GBE1: variants seen among roughly 807,000 people sequenced by gnomAD.
GBE1 encodes 1,4-alpha-glucan branching enzyme 1, also known as 1,4-alpha-glucan-branching enzyme.
GBE1 carries 70 observed loss-of-function variants against 88.8 expected under a neutral mutation model. The observed-to-expected ratio is 0.79, with a 90% confidence interval of 0.65 to 0.96. The LOEUF is 0.96. GBE1 is among the 40% of genes least tolerant of loss of function. The probability of loss-of-function intolerance (pLI) is 0.00; values close to 1 mark genes in which losing one functional copy is unlikely to be tolerated. For missense variants in GBE1, 872 were observed against 871.0 expected, an observed-to-expected ratio of 1.00 and a Z score of -0.01; for synonymous variants, 284 against 300.1, an observed-to-expected ratio of 0.95 and a Z score of 0.56.
chr3:81,575,069 G>C (rs536080670), intron 12 of GBE1, among the ~76,000 whole-genome samples: 1 of 151,774 alleles, frequency 6.6e-6, no homozygotes, highest in East Asian at 1.9e-4. Flanking sequence ...GGAGGCTGAG[G>C]CAGGAGAATG....
chr3:81,700,720 A>C (rs1397089579), intron 2 of GBE1, among the ~76,000 whole-genome samples: 2 of 152,028 alleles, frequency 1.3e-5, no homozygotes, highest in African/African-American at 4.8e-5. Context: ...AAACTGGCCC[A>C]AAAAAACAGT....
chr3:81,583,711 G>A (rs1703762475), intron 10 of GBE1, among the ~76,000 whole-genome samples: 1 of 151,998 alleles, frequency 6.6e-6, no homozygotes, highest in Admixed American at 6.6e-5. Flanking sequence ...TAGGAATGGA[G>A]ATCTCATTCG....
intron 2 of GBE1, among the ~76,000 whole-genome samples, chr3:81,679,972 T>A (rs1576197029): frequency 1.3e-5 from 2 of 152,312 alleles, no homozygotes; most frequent in East Asian, 3.9e-4. Context: ...AATGCCTCTA[T>A]CTGGCCGCGC....
chr3:81,748,552 A>G (rs929317773), intron 1 of GBE1, among the ~76,000 whole-genome samples: 1 of 152,106 alleles, frequency 6.6e-6, no homozygotes, highest in African/African-American at 2.4e-5. Context: ...CGGAGCTTGC[A>G]GTGAGCCGAG....
chr3:81,751,445 T>C (rs1706527149), intron 1 of GBE1, among the ~76,000 whole-genome samples: 1 of 152,224 alleles, frequency 6.6e-6, no homozygotes, highest in Non-Finnish European at 1.5e-5. Flanking sequence ...CAGCTAAGGA[T>C]GACCATGGGA....
intron 2 of GBE1, among the ~76,000 whole-genome samples, chr3:81,702,027 A>G (rs1705695312): frequency 6.6e-6 from 1 of 151,204 alleles, no homozygotes; most frequent in African/African-American, 2.4e-5. Flanking sequence ...CTCAACTATT[A>G]TTAGGAAAAA....
intron 7 of GBE1, among the ~76,000 whole-genome samples, chr3:81,640,969 T>A (rs545739975): frequency 6.6e-6 from 1 of 152,256 alleles, no homozygotes; most frequent in Non-Finnish European, 1.5e-5. Context: ...TAAGTTTGTC[T>A]CAATTTCTGT....
intron 1 of GBE1, among the ~76,000 whole-genome samples, chr3:81,753,715 G>T (rs546265443): frequency 4.6e-5 from 7 of 152,268 alleles, no homozygotes; most frequent in African/African-American, 1.7e-4. Context: ...TCACTGTAGA[G>T]AATTCAGGAA....
intron 1 of GBE1, among the ~76,000 whole-genome samples, chr3:81,750,783 C>A (rs1178382639): frequency 8.9e-5 from 13 of 146,760 alleles, no homozygotes; most frequent in African/African-American, 2.8e-4. Context: ...CCGGTCCAAG[C>A]GATTCTTCTT....
In GBE1 at chr3:81,705,561, T is replaced by A. The variant is rs189658580; in HGVS notation, c.196A>T (p.Ile66Phe). 6.3e-7 allele frequency: 1 copy of A among 1,587,514 alleles called. No individual in the cohort carries two copies. The change falls in exon 2 of 16, where the codon ATT becomes TTT. Residue 66 changes from isoleucine (I) to phenylalanine (F), a missense_variant. Transcript: ENST00000429644. The stretch of plus-strand genomic sequence containing the variant: ...TCATAGCCTCTGGAAAACTTATCAA[T>A]ACCACCTTCATTTTCTCCAATGTTC... ...LKNIGENEGG[I>F]DKFSRGYESF...
chr3:81,646,890 A>G (rs1704772355), intron 5 of GBE1, among the ~76,000 whole-genome samples: 1 of 151,610 alleles, frequency 6.6e-6, no homozygotes, highest in African/African-American at 2.4e-5. Context: ...GTATTTCTAT[A>G]TATTTCAATC....
rs1262518575 is a variant in GBE1 at position 81,581,160 on chromosome 3, T to A, written c.1446+5A>T. 6.4e-7 allele frequency: 1 copy of A among 1,564,458 alleles called. No homozygotes were observed. Among genetic ancestry groups the A allele is most frequent in the Non-Finnish European group, 8.8e-7 (1 of 1,138,494 alleles). On this transcript the variant is annotated splice_donor_5th_base_variant and intron_variant, in intron 11 of 15. Coordinates refer to ENST00000429644, the MANE Select transcript of GBE1 (RefSeq NM_000158.4). ...ATAAATGAATTTATGCACATATTCA[T>A]TTACCTGATCATGGCTCTCTGCATA...
intron 12 of GBE1, among the ~76,000 whole-genome samples, chr3:81,540,460 T>C (rs1250592776): frequency 6.6e-6 from 1 of 152,046 alleles, no homozygotes; most frequent in Non-Finnish European, 1.5e-5. Flanking sequence ...GATGTGAATA[T>C]AGGCAATTTA....
intron 12 of GBE1, among the ~76,000 whole-genome samples, chr3:81,566,287 C>G (rs1280697552): frequency 2.6e-5 from 4 of 152,170 alleles, no homozygotes; most frequent in Admixed American, 1.3e-4. Flanking sequence ...GAGCCCTAGC[C>G]AAGACCAATT....
rs554854706 is a variant in GBE1 at position 81,680,768 on chromosome 3, A to G, written c.314-9815T>C. Among the ~76,000 whole-genome samples, 6 of 152,290 alleles carry G rather than the reference A, an allele frequency of 3.9e-5. No individual in the cohort carries two copies. The East Asian group carries it at 7.7e-4, about 20-fold the overall frequency. On this transcript the variant is annotated intron_variant, in intron 2 of 15. Coordinates refer to ENST00000429644, the MANE Select transcript of GBE1 (RefSeq NM_000158.4). The stretch of plus-strand genomic sequence containing the variant: ...ATGAAGGAAAGCCCTCATGAATGGG[A>G]TTAGTACCTGTATTAAAGGAATCCC...
At chr3:81,667,124 G>A (rs145315623) in intron 3 of GBE1, among the ~76,000 whole-genome samples, 7 of 152,098 alleles carry the variant, frequency 4.6e-5, no homozygotes, top group Non-Finnish European at 1.0e-4. Flanking sequence ...ATTTCCTTGA[G>A]CAGTGGTTTG....
intron 15 of GBE1, among the ~76,000 whole-genome samples, chr3:81,497,822 C>T (rs1006395915): frequency 1.3e-5 from 2 of 152,130 alleles, no homozygotes; most frequent in Non-Finnish European, 2.9e-5. Flanking sequence ...GGGCATCTAA[C>T]TCTTTTGATT....
chr3:81,654,986 C>G (rs1704910774), intron 3 of GBE1: 1 of 151,996 alleles, frequency 6.6e-6, no homozygotes, highest in African/African-American at 2.4e-5. Flanking sequence ...CTGAGTTGTC[C>G]CGAGTTCTGG....
intron 7 of GBE1, among the ~76,000 whole-genome samples, 159 bp from the exon 8 acceptor site, chr3:81,594,182 T>G (rs1703921004): frequency 6.6e-6 from 1 of 152,088 alleles, no homozygotes; most frequent in Non-Finnish European, 1.5e-5. Flanking sequence ...CTAACAAGAA[T>G]CTCAGTTGGT....
Sources: allele counts gnomAD v4.1 joint callset (sites outside exome capture counted in the v4.1 genomes callset), GRCh38; gene constraint gnomAD v4.1.1; transcripts MANE v1.5; gene names NCBI Gene and HGNC (gene_info 2026-07-23, HGNC 2026-07-21).